RABGAP1: variants seen among roughly 807,000 people sequenced by gnomAD.
RABGAP1 encodes the protein RAB GTPase activating protein 1.
Under a neutral mutation model 137.6 loss-of-function variants are expected in RABGAP1, and 23 were observed. The observed-to-expected ratio is 0.17, with a 90% CI of 0.12 to 0.24. RABGAP1 has a LOEUF of 0.24. Ranked by LOEUF, RABGAP1 falls within the 10% of genes least tolerant of loss-of-function variation. The pLI, the probability that RABGAP1 is intolerant of heterozygous loss-of-function variation, is 1.00. For synonymous variants in RABGAP1, 451 were observed against 450.7 expected (o/e 1.00, Z -0.01); for missense variants, 906 against 1,275.8 (o/e 0.71, Z 4.42).
At chr9:123,074,073 A>G (rs1036042894) in intron 16 of RABGAP1, among the ~76,000 whole-genome samples, 7 of 152,186 alleles carry the variant, frequency 4.6e-5, no homozygotes, top group Non-Finnish European at 1.0e-4. Context: ...CATTTTGGGG[A>G]TTCCTCTTTC....
intron 1 of RABGAP1, among the ~76,000 whole-genome samples, chr9:122,950,033 G>T (rs766116539): frequency 1.3e-5 from 2 of 152,142 alleles, no homozygotes; most frequent in Non-Finnish European, 2.9e-5. Flanking sequence ...AGATTTTGAA[G>T]AACTAAATAA....
At chr9:123,077,026 A>AG (rs11408062) in intron 19 of RABGAP1, 156,083 of 159,562 alleles carry the variant, frequency 0.98, 76,441 homozygotes, top group East Asian at 1. Context: ...GCCAAACTAT[A>AG]GAAGAGTATT....
the RABGAP1 span, among the ~76,000 whole-genome samples, chr9:122,935,817 G>A: frequency 6.6e-6 from 1 of 152,082 alleles, no homozygotes; most frequent in African/African-American, 2.4e-5. Context: ...TCAAAATGTC[G>A]GTTTCTCTTT....
intron 13 of RABGAP1, chr9:123,034,531 G>A (rs766098731): frequency 5.2e-6 from 7 of 1,349,854 alleles, no homozygotes; most frequent in African/African-American, 1.4e-5. Context: ...GCAGCCAAGC[G>A]GCAGCATGAA....
intron 13 of RABGAP1, among the ~76,000 whole-genome samples, chr9:123,032,249 A>G (rs1588301169): frequency 6.6e-6 from 1 of 152,206 alleles, no homozygotes; most frequent in East Asian, 1.9e-4. Flanking sequence ...TTATTTCTCA[A>G]CAACCCTGTG....
intron 2 of RABGAP1, among the ~76,000 whole-genome samples, chr9:122,963,895 C>G (rs1277778705): frequency 6.6e-6 from 1 of 151,976 alleles, no homozygotes; most frequent in East Asian, 1.9e-4. Flanking sequence ...AGACAATTTA[C>G]TGGAATCATA....
At chr9:123,012,150 A>C (rs192672819) in intron 11 of RABGAP1, among the ~76,000 whole-genome samples, 5 of 152,336 alleles carry the variant, frequency 3.3e-5, no homozygotes, top group Admixed American at 3.3e-4. Flanking sequence ...AAGCATATGT[A>C]TTGTTTTTGA....
chr9:123,076,310 G>A (rs1182017114), intron 18 of RABGAP1, 24 bp downstream of exon 18: 2 of 1,595,570 alleles, frequency 1.3e-6, no homozygotes, highest in African/African-American at 2.7e-5. Context: ...TATTAGCTGA[G>A]TTATCTGTCA....
In RABGAP1 at chr9:123,002,206, CAGG is replaced by C. The variant is rs894045368; in HGVS notation, c.1374+3443_1374+3445del. 1.2e-4 allele frequency among the ~76,000 whole-genome samples: 18 copies of C among 151,696 alleles called. No individual in the cohort carries two copies. In the South Asian group the frequency reaches 1.9e-3, roughly 16 times the overall value. On this transcript the variant is annotated intron_variant, in intron 10 of 25. Coordinates refer to ENST00000373647, the MANE Select transcript of RABGAP1 (RefSeq NM_012197.4). ...ATCCCAGCTACTTGGGAGGCTGAAA[CAGG>C]AGAATTGCTTGAACCCGGGAGGTGG...
At chr9:123,030,026 G>T (rs77756851) in intron 13 of RABGAP1, among the ~76,000 whole-genome samples, 1 of 152,182 alleles carries the variant, frequency 6.6e-6, no homozygotes, top group African/African-American at 2.4e-5. Context: ...CTGTCATTTT[G>T]TTATTTTAAT....
At chr9:122,960,620 A>G (rs1834802920) in intron 2 of RABGAP1, among the ~76,000 whole-genome samples, 1 of 152,218 alleles carries the variant, frequency 6.6e-6, no homozygotes, top group African/African-American at 2.4e-5. Context: ...AAATTATAAG[A>G]CATTCAGAGA....
chr9:123,014,021 A>G (rs1251055627), intron 11 of RABGAP1, among the ~76,000 whole-genome samples: 4 of 152,254 alleles, frequency 2.6e-5, no homozygotes, highest in Admixed American at 2.6e-4. Context: ...GGAAATTTTC[A>G]GTATTCTTAA....
In RABGAP1 at chr9:123,010,484, A is replaced by G. The variant is rs758604319; in HGVS notation, c.1505A>G (p.Gln502Arg). The change falls in exon 11 of 26, where the codon CAA becomes CGA. Residue 502 changes from glutamine to arginine, a missense_variant. By Grantham distance (43) the Gln-to-Arg change is conservative (BLOSUM62 1). Transcript: ENST00000373647. ...PSVRLPQSGS[Q>R]SSVIPSPPED... ...GTTCGCCTGCCACAGTCTGGATCGC[A>G]AAGTTCAGTGATACCTTCTCCTCCA... is the stretch of plus-strand genomic sequence containing the variant. 3 of 1,613,996 alleles carry G rather than the reference A, an allele frequency of 1.9e-6. No homozygotes were observed. Among genetic ancestry groups the G allele is most frequent in the Middle Eastern group, 1.7e-4 (1 of 6,058 alleles).
intron 25 of RABGAP1, among the ~76,000 whole-genome samples, chr9:123,102,659 G>C (rs748194070): frequency 6.6e-6 from 1 of 152,144 alleles, no homozygotes; most frequent in Non-Finnish European, 1.5e-5. Context: ...TGCCCAGGAA[G>C]GACCCTCAGG....
rs1011593115 is a variant in RABGAP1, at chr9:123,079,961, T to A, written c.2424+3199T>A. On this transcript the variant is annotated intron_variant, in intron 19 of 25. Coordinates refer to ENST00000373647, the MANE Select transcript of RABGAP1 (RefSeq NM_012197.4). ...AGTACCAGGAACAGGATCTCGCTTA[T>A]AAATATCGATTGAATAAGTGAATGA... 2.0e-5 allele frequency among the ~76,000 whole-genome samples: 3 copies of A among 152,322 alleles called. No homozygotes were observed. In the South Asian group the frequency reaches 6.2e-4, roughly 32 times the overall value.
At chr9:122,984,312 C>T (rs1321338123) in intron 2 of RABGAP1, among the ~76,000 whole-genome samples, 173 bp from the exon 3 acceptor site, 1 of 152,144 alleles carries the variant, frequency 6.6e-6, no homozygotes, top group Non-Finnish European at 1.5e-5. Flanking sequence ...GAGAGAGCAG[C>T]TGCACCCTTA....
chr9:123,001,325 A>C (rs1262265812), intron 10 of RABGAP1, among the ~76,000 whole-genome samples: 1 of 152,202 alleles, frequency 6.6e-6, no homozygotes, highest in Admixed American at 6.5e-5. Context: ...CAATAAATAT[A>C]CGTTGAATTG....
intron 1 of RABGAP1, among the ~76,000 whole-genome samples, chr9:122,943,897 G>A (rs914600322): frequency 1.3e-5 from 2 of 152,072 alleles, no homozygotes; most frequent in African/African-American, 4.8e-5. Context: ...AGCTTGCAGT[G>A]AGCCAAGATC....
At chr9:123,083,800 G>C (rs1259268777) in intron 19 of RABGAP1, among the ~76,000 whole-genome samples, 4 of 152,226 alleles carry the variant, frequency 2.6e-5, no homozygotes, top group Non-Finnish European at 5.9e-5. Context: ...GACAGAATAA[G>C]ATGATGCCTT....
Sources: allele counts gnomAD v4.1 joint callset (sites outside exome capture counted in the v4.1 genomes callset), GRCh38; gene constraint gnomAD v4.1.1; transcripts MANE v1.5; gene names NCBI Gene and HGNC (gene_info 2026-07-23, HGNC 2026-07-21).